HSD17B7: variants seen among roughly 807,000 people sequenced by gnomAD.
HSD17B7 encodes the protein 3-keto-steroid reductase/17-beta-hydroxysteroid dehydrogenase 7.
Under a neutral mutation model 34.1 loss-of-function variants are expected in HSD17B7, and 17 were observed. The observed-to-expected ratio is 0.50, with a 90% CI of 0.34 to 0.75. The LOEUF (loss-of-function observed/expected upper bound fraction) is 0.75, where lower values mean the gene tolerates loss of function less well. HSD17B7 is among the 30% of genes least tolerant of loss of function. The pLI, the probability that HSD17B7 is intolerant of heterozygous loss-of-function variation, is 0.01. For synonymous variants in HSD17B7, 122 were observed against 154.6 expected, an observed-to-expected ratio of 0.79 and a Z score of 1.56; for missense variants, 296 against 406.6, an observed-to-expected ratio of 0.73 and a Z score of 2.34.
Position 162,790,850 on chromosome 1 carries a change from G to A in HSD17B7, c.35+15G>A. 6.2e-7 allele frequency: 1 copy of A among 1,613,424 alleles called. No homozygotes were observed. The highest frequency in any genetic ancestry group is 1.1e-5 in the South Asian group (1 of 90,930). The stretch of plus-strand genomic sequence containing the variant: ...GGGGCTAGCAGGTGAGGCCTCCTTT[G>A]GGTTGGCAGAGGCGGCAGCGGATCA... On this transcript the variant is annotated intron_variant, in intron 1 of 8. Coordinates refer to ENST00000254521, the MANE Select transcript of HSD17B7 (RefSeq NM_016371.4).
Position 162,796,540 on chromosome 1 carries a change from G to A in HSD17B7, c.240-45G>A, listed in dbSNP as rs1290907743. 2.5e-6 allele frequency: 3 copies of A among 1,214,528 alleles called. No individual in the cohort carries two copies. In the African/African-American group the frequency reaches 4.4e-5, roughly 18 times the overall value. The allele number at this position is 1,214,528 out of a possible 1,614,324, so 75.2% of individuals were successfully genotyped here. A position where few individuals can be genotyped will look rare whatever the true frequency, so the allele number is the denominator to read the frequency against. On this transcript the variant is annotated intron_variant, in intron 2 of 8. Transcript: ENST00000254521. Reference sequence around the variant, plus strand: ...ATAGAATACACAATCTTGTCCTGATGTTTTTACTTGCAACTCACAATCTTG... The same window carrying A: ...ATAGAATACACAATCTTGTCCTGATATTTTTACTTGCAACTCACAATCTTG...
intron 8 of HSD17B7, among the ~76,000 whole-genome samples, chr1:162,807,631 A>ATTGTTGTTT (rs1312237229): frequency 6.6e-6 from 1 of 151,980 alleles, no homozygotes; most frequent in East Asian, 1.9e-4. Flanking sequence ...CCTCTCCAGC[A>ATTGTTGTTT]CCTGTTGTTT....
At chr1:162,793,078 G>C in intron 2 of HSD17B7, 1 of 389,196 alleles carries the variant, frequency 2.6e-6, no homozygotes, top group Non-Finnish European at 4.7e-6. Context: ...CTGTTGCCCA[G>C]GCTGGAGTGC....
chr1:162,802,056 C>G, intron 5 of HSD17B7, among the ~76,000 whole-genome samples: 1 of 151,956 alleles, frequency 6.6e-6, no homozygotes, highest in Admixed American at 6.6e-5. Context: ...TTTTGAAGCC[C>G]TGTGTTACTG....
At chr1:162,792,104 T>C (rs1352854152) in intron 1 of HSD17B7, among the ~76,000 whole-genome samples, 1 of 152,180 alleles carries the variant, frequency 6.6e-6, no homozygotes, top group Admixed American at 6.5e-5. Flanking sequence ...TTAATCATAG[T>C]TGTTGAGAGG....
At chr1:162,808,760 CT>C (rs1441973779) in intron 8 of HSD17B7, among the ~76,000 whole-genome samples, 10 of 151,838 alleles carry the variant, frequency 6.6e-5, no homozygotes, top group African/African-American at 2.2e-4. Flanking sequence ...CATGATTTGG[CT>C]CTCTGTTTGT....
At chr1:162,805,334 C>T (rs1648943143) in intron 7 of HSD17B7, 60 bp from the exon 8 acceptor site, 1 of 1,589,980 alleles carries the variant, frequency 6.3e-7, no homozygotes, top group Non-Finnish European at 8.6e-7. Context: ...TGTGAATCTC[C>T]ACCAGCCTCA....
intron 2 of HSD17B7, among the ~76,000 whole-genome samples, chr1:162,794,870 G>A (rs11587814): frequency 6.6e-6 from 1 of 152,154 alleles, no homozygotes; most frequent in African/African-American, 2.4e-5. Flanking sequence ...ACTTTATCGC[G>A]AGTTCAGTAA....
At chr1:162,801,649 GTGTGTGCA>G (rs1436683342) in intron 5 of HSD17B7, among the ~76,000 whole-genome samples, 1 of 152,124 alleles carries the variant, frequency 6.6e-6, no homozygotes, top group Non-Finnish European at 1.5e-5. Context: ...TACTTTTTGG[GTGTGTGCA>G]TGTGTGTAGG....
intron 5 of HSD17B7, among the ~76,000 whole-genome samples, chr1:162,801,710 A>G (rs892601174): frequency 2.6e-4 from 40 of 152,134 alleles, no homozygotes; most frequent in African/African-American, 8.2e-4. Flanking sequence ...ATGTTCTTGT[A>G]TTGGCTGTTA....
chr1:162,805,738 C>T (rs1648961202), intron 8 of HSD17B7, among the ~76,000 whole-genome samples: 1 of 152,132 alleles, frequency 6.6e-6, no homozygotes, highest in Admixed American at 6.6e-5. Context: ...TCAGTTTATC[C>T]CATAGCCTTT....
intron 5 of HSD17B7, among the ~76,000 whole-genome samples, chr1:162,802,240 T>C (rs1434206036): frequency 1.3e-5 from 2 of 152,218 alleles, no homozygotes; most frequent in Admixed American, 1.3e-4. Context: ...TTTTTGTTTA[T>C]CTCTCAACAT....
intron 8 of HSD17B7, among the ~76,000 whole-genome samples, chr1:162,810,147 G>A (rs1038596489): frequency 6.6e-6 from 1 of 152,276 alleles, no homozygotes; most frequent in East Asian, 1.9e-4. Flanking sequence ...CTGGTGTGTT[G>A]TGTCTTTGTT....
chr1:162,794,610 C>T (rs981242134), intron 2 of HSD17B7, among the ~76,000 whole-genome samples: 7 of 152,046 alleles, frequency 4.6e-5, no homozygotes, highest in African/African-American at 1.7e-4. Flanking sequence ...GAGATAAAAA[C>T]CATGAAGTTG....
At chr1:162,790,856 G>C in intron 1 of HSD17B7, 21 bp downstream of exon 1, 2 of 1,612,230 alleles carry the variant, frequency 1.2e-6, no homozygotes, top group Non-Finnish European at 1.7e-6. Context: ...CTTTGGGTTG[G>C]CAGAGGCGGC....
At chr1:162,792,537 T>G in intron 1 of HSD17B7, 122 bp from the exon 2 acceptor site, 2 of 1,322,730 alleles carry the variant, frequency 1.5e-6, no homozygotes, top group Non-Finnish European at 2.0e-6. Context: ...GTTGAGTCTT[T>G]TCTTTCTATC....
intron 8 of HSD17B7, among the ~76,000 whole-genome samples, chr1:162,805,982 C>T (rs1648969809): frequency 6.6e-6 from 1 of 151,980 alleles, no homozygotes; most frequent in Non-Finnish European, 1.5e-5. Context: ...GTTAACTTCC[C>T]TTTGAGTATT....
At chr1:162,795,497 G>T in intron 2 of HSD17B7, 1 of 343,044 alleles carries the variant, frequency 2.9e-6, no homozygotes, top group South Asian at 2.4e-5. Context: ...TAAGGTAATA[G>T]AACAAGCAAC....
intron 8 of HSD17B7, among the ~76,000 whole-genome samples, chr1:162,808,589 C>T (rs1394994407): frequency 3.3e-5 from 5 of 152,152 alleles, no homozygotes; most frequent in Non-Finnish European, 7.4e-5. Context: ...ATTGATTCTT[C>T]CTATCTATGA....
Sources: gnomAD v4.1 joint callset for allele counts (sites outside exome capture counted in the v4.1 genomes callset) on GRCh38, gnomAD v4.1.1 for gene constraint, MANE v1.5 for transcripts, NCBI Gene and HGNC (gene_info 2026-07-23, HGNC 2026-07-21) for gene names.